HYCC1: variants seen among roughly 807,000 people sequenced by gnomAD.
HYCC1 encodes the protein hyccin.
At chr7:22,925,446 C>G in the HYCC1 span, among the ~76,000 whole-genome samples, 1 of 152,038 alleles carries the variant, frequency 6.6e-6, no homozygotes, top group Non-Finnish European at 1.5e-5. Flanking sequence ...AAAAATTAGA[C>G]AAATGGCTAA....
At chr7:22,993,621 G>A in the HYCC1 span, among the ~76,000 whole-genome samples, 6 of 152,022 alleles carry the variant, frequency 3.9e-5, no homozygotes, top group Non-Finnish European at 4.4e-5. Context: ...CACATGAAAC[G>A]TGCTCAACTT....
At chr7:23,009,787 G>A in the HYCC1 span, among the ~76,000 whole-genome samples, 2 of 152,126 alleles carry the variant, frequency 1.3e-5, no homozygotes, top group Non-Finnish European at 2.9e-5. Context: ...TTATCCTCCA[G>A]TGTATTTAAA....
chr7:22,899,706 C>G, the HYCC1 span, among the ~76,000 whole-genome samples: 1 of 151,968 alleles, frequency 6.6e-6, no homozygotes, highest in African/African-American at 2.4e-5. Flanking sequence ...CATATTGTAC[C>G]AAAATGTGTT....
the HYCC1 span, among the ~76,000 whole-genome samples, chr7:22,955,810 G>A: frequency 1.6e-3 from 236 of 151,580 alleles, 1 homozygote; most frequent in Admixed American, 3.2e-3. Flanking sequence ...TAAGAAAAGG[G>A]GCTTTTTAAA....
At chr7:22,958,311 T>C in the HYCC1 span, among the ~76,000 whole-genome samples, 1 of 152,140 alleles carries the variant, frequency 6.6e-6, no homozygotes, top group African/African-American at 2.4e-5. Context: ...AAGAGTATTT[T>C]AGAGTCCACT....
chr7:22,896,371 T>C, the HYCC1 span, among the ~76,000 whole-genome samples: 2 of 152,174 alleles, frequency 1.3e-5, no homozygotes, highest in African/African-American at 4.8e-5. Context: ...TCTGAGCTAA[T>C]CCTAAATTAA....
chr7:22,957,281 C>T, the HYCC1 span, among the ~76,000 whole-genome samples: 3 of 139,068 alleles, frequency 2.2e-5, no homozygotes, highest in South Asian at 4.7e-4. Context: ...TACGTATATT[C>T]TTTTATGGTA....
chr7:22,953,283 T>C, the HYCC1 span, among the ~76,000 whole-genome samples: 2 of 151,916 alleles, frequency 1.3e-5, no homozygotes, highest in African/African-American at 4.8e-5. Context: ...TAAAAGCTTA[T>C]TTCTTCCTTG....
At chr7:22,950,890 TA>T in the HYCC1 span, among the ~76,000 whole-genome samples, 21 of 143,084 alleles carry the variant, frequency 1.5e-4, no homozygotes, top group East Asian at 4.0e-4. Context: ...ATCCACACCT[TA>T]AAAAAAAAAC....
At chr7:23,013,461 C>T in the HYCC1 span, among the ~76,000 whole-genome samples, 1 of 152,122 alleles carries the variant, frequency 6.6e-6, no homozygotes, top group Non-Finnish European at 1.5e-5. Context: ...GTAGAGGGCG[C>T]GAGTGGGAGA....
At chr7:22,898,421 T>G in the HYCC1 span, among the ~76,000 whole-genome samples, 1 of 148,592 alleles carries the variant, frequency 6.7e-6, no homozygotes, top group East Asian at 2.0e-4. Context: ...ACCATGTTGG[T>G]CAGGCTGGTC....
the HYCC1 span, chr7:22,960,384 T>C: frequency 3.1e-6 from 5 of 1,613,496 alleles, no homozygotes; most frequent in East Asian, 2.2e-5. Context: ...CATGGGACCA[T>C]GAGGCAATGA....
chr7:22,986,077 C>T, the HYCC1 span, among the ~76,000 whole-genome samples: 4 of 151,412 alleles, frequency 2.6e-5, no homozygotes, highest in African/African-American at 4.8e-5. Flanking sequence ...TCATTAAAAA[C>T]ATGAATTACA....
chr7:22,986,909 GAC>G, the HYCC1 span, among the ~76,000 whole-genome samples: 1 of 152,166 alleles, frequency 6.6e-6, no homozygotes, highest in Non-Finnish European at 1.5e-5. Flanking sequence ...AGTATCATTT[GAC>G]AGATGGTTTT....
chr7:22,987,748 G>A, the HYCC1 span, among the ~76,000 whole-genome samples: 15 of 152,026 alleles, frequency 9.9e-5, no homozygotes, highest in Non-Finnish European at 2.2e-4. Flanking sequence ...TAACTTTTCT[G>A]ATGAAAATAT....
chr7:22,984,117 A>C, the HYCC1 span: 1 of 879,082 alleles, frequency 1.1e-6, no homozygotes, highest in Non-Finnish European at 1.8e-6. Flanking sequence ...AGATGCAGAA[A>C]GTAAATTAGT....
chr7:22,924,469 G>A, the HYCC1 span, among the ~76,000 whole-genome samples: 15 of 152,280 alleles, frequency 9.9e-5, no homozygotes, highest in East Asian at 3.9e-4. Context: ...CTGGAAAATC[G>A]GGTCACTCCC....
the HYCC1 span, among the ~76,000 whole-genome samples, chr7:22,985,887 TATGTATACATAGTTAC>T: frequency 6.7e-6 from 1 of 149,800 alleles, no homozygotes; most frequent in Admixed American, 6.7e-5. Context: ...CATATGTAAC[TATGTATACATAGTTAC>T]ATGTATACAT....
the HYCC1 span, among the ~76,000 whole-genome samples, chr7:22,978,636 AG>A: frequency 6.6e-6 from 1 of 152,194 alleles, no homozygotes; most frequent in African/African-American, 2.4e-5. Flanking sequence ...CACTATATAA[AG>A]GATTGACTAT....
Sources: gnomAD v4.1 joint callset for allele counts (sites outside exome capture counted in the v4.1 genomes callset) on GRCh38, gnomAD v4.1.1 for gene constraint, MANE v1.5 for transcripts, NCBI Gene and HGNC (gene_info 2026-07-23, HGNC 2026-07-21) for gene names.